GMDS: variants seen among roughly 807,000 people sequenced by gnomAD.
The protein encoded by GMDS is GDP-mannose 4,6-dehydratase, also known as GDP-mannose 4,6 dehydratase.
In GMDS, 20 loss-of-function variants were observed where a neutral mutation model predicts 49.9. The observed-to-expected ratio is 0.40, with a 90% confidence interval of 0.28 to 0.58. The LOEUF (loss-of-function observed/expected upper bound fraction) is 0.58. Among genes scored for constraint, GMDS ranks in the 20% least tolerant of loss-of-function variants. GMDS has a pLI of 0.42. For synonymous variants in GMDS, 177 were observed against 178.6 expected, an observed-to-expected ratio of 0.99 and a Z score of 0.07; for missense variants, 362 against 481.4, an observed-to-expected ratio of 0.75 and a Z score of 2.32.
At chr6:2,109,348 G>A (rs930602614) in intron 4 of GMDS, among the ~76,000 whole-genome samples, 6 of 152,212 alleles carry the variant, frequency 3.9e-5, no homozygotes, top group Admixed American at 6.5e-5. Context: ...TCACGGAGAA[G>A]CTGATGCTTA....
chr6:2,201,834 G>A (rs1411072444), intron 1 of GMDS, among the ~76,000 whole-genome samples: 5 of 137,198 alleles, frequency 3.6e-5, no homozygotes, highest in African/African-American at 1.4e-4. Context: ...GAGAGGCGAA[G>A]GATGAAGAGA....
At chr6:1,998,766 A>G (rs1766454429) in intron 4 of GMDS, among the ~76,000 whole-genome samples, 1 of 152,220 alleles carries the variant, frequency 6.6e-6, no homozygotes, top group African/African-American at 2.4e-5. Context: ...ATCATTTTAC[A>G]TAAGCAACTT....
At chr6:2,092,754 TAGAA>T (rs1015810127) in intron 4 of GMDS, among the ~76,000 whole-genome samples, 3 of 152,096 alleles carry the variant, frequency 2.0e-5, no homozygotes, top group African/African-American at 7.2e-5. Context: ...TAAACAGAAC[TAGAA>T]AGACTCAGAA....
chr6:2,081,464 T>G (rs528109938), intron 4 of GMDS, among the ~76,000 whole-genome samples: 1 of 152,308 alleles, frequency 6.6e-6, no homozygotes, highest in African/African-American at 2.4e-5. Flanking sequence ...TCTGCTTGTC[T>G]GTCCACATCC....
At chr6:2,007,321 A>T (rs1427743803) in intron 4 of GMDS, among the ~76,000 whole-genome samples, 1 of 152,196 alleles carries the variant, frequency 6.6e-6, no homozygotes, top group East Asian at 1.9e-4. Context: ...CACCATAAGC[A>T]TTCCCCTAAT....
intron 1 of GMDS, among the ~76,000 whole-genome samples, chr6:2,165,813 G>A (rs1777640611): frequency 6.6e-6 from 1 of 152,066 alleles, no homozygotes; most frequent in South Asian, 2.1e-4. Context: ...AATGCAACAA[G>A]AGAACACTTT....
At chr6:2,058,987 C>T (rs1770945073) in intron 4 of GMDS, among the ~76,000 whole-genome samples, 1 of 151,908 alleles carries the variant, frequency 6.6e-6, no homozygotes, top group Admixed American at 6.6e-5. Flanking sequence ...ACCAGCCTGG[C>T]CAACACGGTG....
chr6:1,624,202 G>A lies in GMDS; in HGVS notation c.1086C>T (p.Asp362=), dbSNP rs1395127751. Residue 362 remains aspartate (D), a synonymous_variant, in exon 11 of 11, where the codon GAC becomes GAT. Coordinates refer to ENST00000380815, the MANE Select transcript of GMDS (RefSeq NM_001500.4). The part of the protein sequence containing the change: ...DELVREMVHA[D]VELMRTNPNA ...TGGGGTTTGTCCTCATGAGCTCCAC[G>A]TCGGCGTGCACCATCTCCCTCACCA... The A allele has an allele frequency of 1.9e-6, 3 of 1,610,918 alleles. No homozygotes were observed. The highest frequency in any genetic ancestry group is 2.7e-5 in the African/African-American group (2 of 75,056).
intron 1 of GMDS, among the ~76,000 whole-genome samples, chr6:2,132,364 A>C (rs1364613930): frequency 6.6e-6 from 1 of 152,166 alleles, no homozygotes; most frequent in Admixed American, 6.5e-5. Context: ...ATGGAGGAGG[A>C]CAGGAAGGAA....
At chr6:1,643,527 G>A (rs1014502986) in intron 9 of GMDS, among the ~76,000 whole-genome samples, 1 of 152,134 alleles carries the variant, frequency 6.6e-6, no homozygotes, top group African/African-American at 2.4e-5. Flanking sequence ...GGTTACCAGG[G>A]CCTTAGGCAG....
In GMDS at chr6:2,074,944, C is replaced by T. The variant is rs181800671; in HGVS notation, c.345+40827G>A. On this transcript the variant is annotated intron_variant, in intron 4 of 10. Transcript: ENST00000380815. ...TGCTCTTGGTGTCTTTGTCAAAAAT[C>T]AGTTGTTATAAGTATGTAGATTTAT... Among the ~76,000 whole-genome samples, 377 of 152,310 alleles carry T rather than the reference C, an allele frequency of 2.5e-3. 1 individual carries two copies. Among genetic ancestry groups the T allele is most frequent in the African/African-American group, 8.8e-3 (365 of 41,586 alleles).
intron 7 of GMDS, among the ~76,000 whole-genome samples, chr6:1,849,188 A>G (rs1006504953): frequency 2.0e-5 from 3 of 152,222 alleles, no homozygotes; most frequent in South Asian, 2.1e-4. Context: ...TAATTGTTAA[A>G]CAAATGCTTG....
chr6:1,656,518 C>T (rs1763885334), intron 9 of GMDS, among the ~76,000 whole-genome samples: 1 of 152,082 alleles, frequency 6.6e-6, no homozygotes, highest in South Asian at 2.1e-4. Context: ...AATCCCAGCA[C>T]TTTGGGAGGC....
intron 7 of GMDS, among the ~76,000 whole-genome samples, chr6:1,876,023 A>AAAAAAAAAAAAAG (rs1554128992): frequency 2.0e-5 from 3 of 151,440 alleles, no homozygotes; most frequent in Admixed American, 6.6e-5. Flanking sequence ...CTCAAAAAAA[A>AAAAAAAAAAAAAG]AAAAGAAAAG....
intron 1 of GMDS, among the ~76,000 whole-genome samples, chr6:2,228,332 C>T (rs1345164744): frequency 1.3e-5 from 2 of 152,218 alleles, no homozygotes; most frequent in Admixed American, 6.5e-5. Context: ...CCTCCTTTTC[C>T]TCCCCCACCT....
chr6:2,051,739 A>T (rs893281246), intron 4 of GMDS, among the ~76,000 whole-genome samples: 1 of 152,216 alleles, frequency 6.6e-6, no homozygotes, highest in African/African-American at 2.4e-5. Context: ...AGCATATATT[A>T]AACCACATGA....
chr6:2,111,517 G>T (rs1049863908), intron 4 of GMDS, among the ~76,000 whole-genome samples: 3 of 152,092 alleles, frequency 2.0e-5, no homozygotes, highest in African/African-American at 7.2e-5. Context: ...TTTCCTACAG[G>T]AAACCAGAGC....
chr6:2,107,378 C>T (rs1024048792), intron 4 of GMDS, among the ~76,000 whole-genome samples: 2 of 152,146 alleles, frequency 1.3e-5, no homozygotes, highest in Non-Finnish European at 2.9e-5. Context: ...AGGCACCCAC[C>T]AACAGCATAC....
intron 7 of GMDS, among the ~76,000 whole-genome samples, chr6:1,834,789 G>A (rs886573582): frequency 1.3e-5 from 2 of 151,960 alleles, no homozygotes; most frequent in Non-Finnish European, 2.9e-5. Flanking sequence ...GACATTACTC[G>A]ATTTTCTCCA....
Sources: allele counts gnomAD v4.1 joint callset (sites outside exome capture counted in the v4.1 genomes callset), GRCh38; gene constraint gnomAD v4.1.1; transcripts MANE v1.5; gene names NCBI Gene and HGNC (gene_info 2026-07-23, HGNC 2026-07-21).